HMGA2: variants seen among roughly 807,000 people sequenced by gnomAD.
The protein encoded by HMGA2 is high mobility group protein HMGI-C.
In HMGA2, 8 loss-of-function variants were observed where a neutral mutation model predicts 19.1. The observed-to-expected ratio is 0.42, with a 90% CI of 0.25 to 0.76. The LOEUF is 0.76. Among genes scored for constraint, HMGA2 ranks in the 30% least tolerant of loss-of-function variants. HMGA2 has a pLI of 0.28. For synonymous variants in HMGA2, 60 were observed against 48.8 expected (o/e 1.23, Z -0.96); for missense variants, 109 against 136.3 (o/e 0.80, Z 1.00).
At chr12:65,920,059 T>A (rs1199201625) in intron 3 of HMGA2, among the ~76,000 whole-genome samples, 1 of 152,224 alleles carries the variant, frequency 6.6e-6, no homozygotes, top group Admixed American at 6.5e-5. Flanking sequence ...TAGCTGGTAG[T>A]CCCAATATGA....
intron 3 of HMGA2, among the ~76,000 whole-genome samples, chr12:65,895,210 C>T (rs541517370): frequency 6.6e-6 from 1 of 152,264 alleles, no homozygotes; most frequent in Non-Finnish European, 1.5e-5. Flanking sequence ...TATTGCTTTG[C>T]TCCTCCCTCA....
chr12:65,873,262 G>GTGT (rs1872799137), intron 3 of HMGA2, among the ~76,000 whole-genome samples: 1 of 152,210 alleles, frequency 6.6e-6, no homozygotes, highest in Non-Finnish European at 1.5e-5. Flanking sequence ...AAGAATGAAT[G>GTGT]TGTCCAAGCC....
intron 3 of HMGA2, among the ~76,000 whole-genome samples, chr12:65,948,678 G>A (rs908900143): frequency 2.7e-4 from 41 of 152,348 alleles, no homozygotes; most frequent in African/African-American, 9.1e-4. Context: ...TCAAGGGTCT[G>A]TTTGTTTGGT....
At chr12:65,867,645 T>G in intron 3 of HMGA2, 1 of 313,678 alleles carries the variant, frequency 3.2e-6, no homozygotes, top group South Asian at 2.7e-5. Context: ...ATATGAGTCT[T>G]GTGGGGACAC....
chr12:65,947,202 C>T (rs1876298644), intron 3 of HMGA2, among the ~76,000 whole-genome samples: 1 of 152,026 alleles, frequency 6.6e-6, no homozygotes, highest in African/African-American at 2.4e-5. Flanking sequence ...TTACTGCAGC[C>T]ATAACCTCCT....
chr12:65,916,061 C>T (rs151070944), intron 3 of HMGA2, among the ~76,000 whole-genome samples: 3 of 152,098 alleles, frequency 2.0e-5, no homozygotes, highest in Non-Finnish European at 4.4e-5. Flanking sequence ...GTGCTGTCAT[C>T]CTTGCCAGAA....
intron 3 of HMGA2, among the ~76,000 whole-genome samples, chr12:65,886,484 T>C (rs1047972614): frequency 1.3e-5 from 2 of 151,910 alleles, no homozygotes; most frequent in African/African-American, 4.8e-5. Flanking sequence ...CTCAGCCTCC[T>C]GAGTAGCTGG....
At chr12:65,921,626 A>G (rs1017857267) in intron 3 of HMGA2, among the ~76,000 whole-genome samples, 1 of 152,204 alleles carries the variant, frequency 6.6e-6, no homozygotes, top group African/African-American at 2.4e-5. Context: ...AAAGAAAAAA[A>G]TCTCATTTTC....
At chr12:65,855,510 T>G (rs1871694450) in intron 3 of HMGA2, among the ~76,000 whole-genome samples, 1 of 148,104 alleles carries the variant, frequency 6.8e-6, no homozygotes. Flanking sequence ...TGTGCTAAGA[T>G]GCAAACACTA....
intron 3 of HMGA2, chr12:65,914,680 G>A (rs1875001830): frequency 3.5e-6 from 1 of 288,570 alleles, no homozygotes; most frequent in African/African-American, 2.2e-5. Flanking sequence ...TGTTGTTATT[G>A]TTGTTGTTTT....
chr12:65,931,551 TTGTGTGTGTG>T lies in HMGA2; in HGVS notation c.250-19802_250-19793del, dbSNP rs60877869. On this transcript the variant is annotated intron_variant, in intron 3 of 4. Transcript: ENST00000403681. Reference sequence around the variant, plus strand: ...ACCCAGGAGCTAAGTTTATAGATGTTTGTGTGTGTGTGTGTGTGTGTGTGTGTGTGTGTGT... The same window carrying T: ...ACCCAGGAGCTAAGTTTATAGATGTTTGTGTGTGTGTGTGTGTGTGTGTGT... Among the ~76,000 whole-genome samples, 270 of 144,236 alleles carry T rather than the reference TTGTGTGTGTG, an allele frequency of 1.9e-3. 2 individuals are homozygous for T. The highest frequency in any genetic ancestry group is 6.1e-3 in the East Asian group (30 of 4,930). The allele number at this position is 144,236 out of a possible 152,430, so 94.6% of individuals were successfully genotyped here.
intron 3 of HMGA2, among the ~76,000 whole-genome samples, chr12:65,897,295 C>T (rs950987030): frequency 8.6e-5 from 13 of 152,006 alleles, no homozygotes; most frequent in African/African-American, 1.2e-4. Flanking sequence ...CCATAGTCAC[C>T]CTGTGGCATA....
At chr12:65,852,569 T>C (rs1423240856) in intron 3 of HMGA2, among the ~76,000 whole-genome samples, 2 of 152,192 alleles carry the variant, frequency 1.3e-5, no homozygotes, top group African/African-American at 4.8e-5. Context: ...TTGTTCCTGT[T>C]ATTTATATAA....
chr12:65,855,749 C>T (rs1021133604), intron 3 of HMGA2, among the ~76,000 whole-genome samples: 2 of 144,728 alleles, frequency 1.4e-5, no homozygotes, highest in East Asian at 4.0e-4. Context: ...AATGATTGAT[C>T]ATAATAACTG....
chr12:65,848,093 A>G (rs1341732200), intron 3 of HMGA2, among the ~76,000 whole-genome samples: 1 of 152,206 alleles, frequency 6.6e-6, no homozygotes, highest in Non-Finnish European at 1.5e-5. Context: ...CAGGCCCAAT[A>G]GAAACTTCGA....
chr12:65,836,361 A>C (rs1870725584), intron 2 of HMGA2, among the ~76,000 whole-genome samples: 2 of 136,892 alleles, frequency 1.5e-5, no homozygotes, highest in African/African-American at 7.1e-5. Flanking sequence ...TCCGTCTCAA[A>C]AAGAAAAAAA....
chr12:65,964,558 A>G lies in HMGA2; in HGVS notation c.*1266A>G. 4.6e-6 allele frequency: 1 copy of G among 218,156 alleles called. No homozygotes were observed. The highest frequency in any genetic ancestry group is 9.2e-6 in the Non-Finnish European group (1 of 108,236). 13.5% of individuals were successfully genotyped at this position (218,156 alleles called of 1,614,324 possible). ...CCCCACTACTCAATACTACCTCTGA[A>G]TGTTACAACGAATTTACAGTCTAGT... is the stretch of plus-strand genomic sequence containing the variant. On this transcript the variant is annotated 3_prime_UTR_variant, in exon 5 of 5. Transcript: ENST00000403681.
chr12:65,828,333 G>A, intron 2 of HMGA2: 3 of 268,170 alleles, frequency 1.1e-5, no homozygotes, highest in Non-Finnish European at 2.1e-5. Flanking sequence ...CAAATAATTT[G>A]AACCTTAAAA....
chr12:65,957,154 C>T (rs1165284310), intron 4 of HMGA2: 1 of 152,000 alleles, frequency 6.6e-6, no homozygotes, highest in African/African-American at 2.4e-5. Flanking sequence ...TATTCTGTTC[C>T]CTGGCCGCAA....
Sources: allele counts gnomAD v4.1 joint callset (sites outside exome capture counted in the v4.1 genomes callset), GRCh38; gene constraint gnomAD v4.1.1; transcripts MANE v1.5; gene names NCBI Gene and HGNC (gene_info 2026-07-23, HGNC 2026-07-21).